PRKCQ: variants seen among roughly 807,000 people sequenced by gnomAD.
The protein encoded by PRKCQ is protein kinase C theta, also known as protein kinase C theta type.
In PRKCQ, 41 loss-of-function variants were observed where a neutral mutation model predicts 91.2. The observed-to-expected ratio is 0.45, with a 90% CI of 0.35 to 0.58. The LOEUF is 0.58. PRKCQ is among the 20% of genes least tolerant of loss of function. The probability of loss-of-function intolerance (pLI) is 0.00; values close to 1 mark genes in which losing one functional copy is unlikely to be tolerated. For missense variants in PRKCQ, 673 were observed against 896.5 expected, an observed-to-expected ratio of 0.75 and a Z score of 3.18; for synonymous variants, 307 against 316.9, an observed-to-expected ratio of 0.97 and a Z score of 0.33.
chr10:6,507,553 A>G (rs1370470804), intron 3 of PRKCQ, 57 bp from the exon 4 acceptor site: 24 of 1,434,910 alleles, frequency 1.7e-5, no homozygotes, highest in Non-Finnish European at 2.2e-5. Context: ...CCTGAGTTCA[A>G]TGACATCACT....
chr10:6,464,604 G>T (rs41306820), intron 12 of PRKCQ, among the ~76,000 whole-genome samples, 200 bp from the exon 13 acceptor site: 2 of 151,906 alleles, frequency 1.3e-5, no homozygotes, highest in African/African-American at 4.8e-5. Flanking sequence ...TGCACCACCA[G>T]GCCCAGCTAA....
intron 16 of PRKCQ, among the ~76,000 whole-genome samples, chr10:6,440,981 G>C (rs572864673): frequency 1.8e-4 from 28 of 152,218 alleles, no homozygotes; most frequent in Non-Finnish European, 4.1e-4. Context: ...GAGTGAGACT[G>C]TCTCAAAAAA....
intron 1 of PRKCQ, among the ~76,000 whole-genome samples, chr10:6,517,959 T>G (rs1461760032): frequency 1.3e-5 from 2 of 152,180 alleles, no homozygotes; most frequent in Non-Finnish European, 2.9e-5. Flanking sequence ...ATTTAAGACA[T>G]GCAGAATAAG....
At chr10:6,471,200 C>T (rs1364131106) in intron 12 of PRKCQ, among the ~76,000 whole-genome samples, 1 of 151,866 alleles carries the variant, frequency 6.6e-6, no homozygotes, top group African/African-American at 2.4e-5. Context: ...TAGCACTCTA[C>T]GGGCAAATGA....
chr10:6,569,676 T>C (rs1390918730), intron 1 of PRKCQ, among the ~76,000 whole-genome samples: 1 of 151,754 alleles, frequency 6.6e-6, no homozygotes, highest in East Asian at 1.9e-4. Context: ...ACAGAGGAAT[T>C]GGGGTGAGTG....
rs1245497985 is a variant in PRKCQ, at chr10:6,511,062, T to G, written c.251A>C (p.Glu84Ala). The G allele has an allele frequency of 2.5e-6, 4 of 1,614,140 alleles. No individual in the cohort carries two copies. In the South Asian group the frequency reaches 4.4e-5, roughly 18 times the overall value. The change falls in exon 3 of 18, where the codon GAA becomes GCA. Residue 84 changes from glutamate to alanine, a missense_variant. By Grantham distance (107) the Glu-to-Ala change is moderately radical. Coordinates refer to ENST00000263125, the MANE Select transcript of PRKCQ (RefSeq NM_006257.5). ...VKGKNVDLIS[E>A]TTVELYSLAE... ...CAGCGAGTAGAGCTCCACGGTGGTT[T>G]CAGAGATGAGGTCCACGTTTTTGCC... is the stretch of plus-strand genomic sequence containing the variant.
At chr10:6,530,263 C>A (rs11259403) in intron 1 of PRKCQ, among the ~76,000 whole-genome samples, 1 of 151,906 alleles carries the variant, frequency 6.6e-6, no homozygotes, top group African/African-American at 2.4e-5. Flanking sequence ...ATGAACTTGG[C>A]GTCAGAGTCA....
chr10:6,404,627 CCTTT>C, the PRKCQ span, among the ~76,000 whole-genome samples: 1 of 126,604 alleles, frequency 7.9e-6, no homozygotes, highest in Non-Finnish European at 1.6e-5. Flanking sequence ...TTCTCTCTTT[CCTTT>C]CTTCCTTCCT....
In PRKCQ at chr10:6,485,231, T is replaced by G. The variant is rs781126650; in HGVS notation, c.939A>C (p.Glu313Asp). 3.1e-6 allele frequency: 5 copies of G among 1,614,020 alleles called. No individual in the cohort carries two copies. The highest frequency in any genetic ancestry group is 4.2e-6 in the Non-Finnish European group (5 of 1,180,004). The change falls in exon 10 of 18, where the codon GAA (glutamate) becomes GAC (aspartate). Residue 313 changes from glutamate to aspartate, a missense_variant. Coordinates refer to ENST00000263125, the MANE Select transcript of PRKCQ (RefSeq NM_006257.5). ...ATGGGAGACCAATTTCAACCGGACC[T>G]TCTCTGAAGATCTGTTCAGTATCTC... The part of the protein sequence containing the change: ...CLRDTEQIFR[E>D]GPVEIGLPCS...
chr10:6,484,962 C>T (rs1836819971), intron 10 of PRKCQ, among the ~76,000 whole-genome samples, 190 bp downstream of exon 10: 1 of 152,210 alleles, frequency 6.6e-6, no homozygotes, highest in South Asian at 2.1e-4. Context: ...TTCTAACCCC[C>T]ACCTCCTGCC....
Position 6,553,507 on chromosome 10 carries a change from A to T in PRKCQ, c.-10+26704T>A, listed in dbSNP as rs1250684135. Among the ~76,000 whole-genome samples the T allele has an allele frequency of 4.1e-5, 6 of 145,462 alleles. No individual in the cohort carries two copies. In the South Asian group the frequency reaches 8.4e-4, roughly 20 times the overall value. On this transcript the variant is annotated intron_variant, in intron 1 of 17. Transcript: ENST00000263125. ...CCTGTCTCAAAAAAAAAAAAAAAAA[A>T]AAAAAAAAAACAAACAAACAAAAGA...
chr10:6,546,210 G>C (rs988232369), intron 1 of PRKCQ, among the ~76,000 whole-genome samples: 9 of 152,054 alleles, frequency 5.9e-5, no homozygotes, highest in African/African-American at 2.2e-4. Context: ...TATTATTTTT[G>C]TTACCTGCCT....
chr10:6,568,066 T>C (rs942104876), intron 1 of PRKCQ, among the ~76,000 whole-genome samples: 5 of 152,154 alleles, frequency 3.3e-5, no homozygotes, highest in Non-Finnish European at 7.4e-5. Context: ...GATGAAAACA[T>C]GTCTCTGCTA....
the PRKCQ span, among the ~76,000 whole-genome samples, chr10:6,395,257 GT>G: frequency 2.5e-4 from 38 of 151,918 alleles, no homozygotes; most frequent in Non-Finnish European, 3.8e-4. Context: ...TAGAGACGGG[GT>G]TTTCACCGTG....
intron 11 of PRKCQ, among the ~76,000 whole-genome samples, chr10:6,479,461 C>T (rs1217445066): frequency 6.6e-6 from 1 of 151,964 alleles, no homozygotes; most frequent in African/African-American, 2.4e-5. Context: ...AGTGAAGGTA[C>T]AATAAAAATC....
At chr10:6,579,061 C>T (rs1336203156) in intron 1 of PRKCQ, among the ~76,000 whole-genome samples, 1 of 152,174 alleles carries the variant, frequency 6.6e-6, no homozygotes, top group African/African-American at 2.4e-5. Context: ...CGGAGCCTCA[C>T]GAATCCCAGT....
At chr10:6,449,450 T>C (rs1393001294) in intron 15 of PRKCQ, among the ~76,000 whole-genome samples, 83 of 152,128 alleles carry the variant, frequency 5.5e-4, no homozygotes, top group African/African-American at 1.9e-3. Context: ...ACCAAATCTG[T>C]GTCTGATTGG....
rs74352658 is a variant in PRKCQ at position 6,573,549 on chromosome 10, C to T, written c.-10+6662G>A. 8.6e-3 allele frequency among the ~76,000 whole-genome samples: 1,311 copies of T among 152,280 alleles called. 15 individuals carry two copies. The highest frequency in any genetic ancestry group is 0.045 in the South Asian group (216 of 4,828). On this transcript the variant is annotated intron_variant, in intron 1 of 17. Coordinates refer to ENST00000263125, the MANE Select transcript of PRKCQ (RefSeq NM_006257.5). The stretch of plus-strand genomic sequence containing the variant: ...TACATATAGTGCTTAGCACAGCAAA[C>T]GGCCGATAGTGACAAGTCAATACAT...
At chr10:6,429,032 T>C (rs17299670) in intron 17 of PRKCQ, among the ~76,000 whole-genome samples, 10,552 of 152,210 alleles carry the variant, frequency 0.069, 480 homozygotes, top group Middle Eastern at 0.13. Context: ...TGGTGTTCAA[T>C]TCAGTGTCCC....
Sources: allele counts gnomAD v4.1 joint callset (sites outside exome capture counted in the v4.1 genomes callset), GRCh38; gene constraint gnomAD v4.1.1; transcripts MANE v1.5; gene names NCBI Gene and HGNC (gene_info 2026-07-23, HGNC 2026-07-21).